SRD5A2: variants seen among roughly 807,000 people sequenced by gnomAD.
SRD5A2 encodes steroid 5 alpha-reductase 2.
In SRD5A2, 30 loss-of-function variants were observed where a neutral mutation model predicts 27.4. The observed-to-expected ratio is 1.10, with a 90% confidence interval of 0.82 to 1.49. The LOEUF (loss-of-function observed/expected upper bound fraction) is 1.49. Ranked by LOEUF, SRD5A2 falls within the 40% of genes most tolerant of loss-of-function variation. The pLI is 0.00. For missense variants in SRD5A2, 348 were observed against 323.4 expected (o/e 1.08, Z -0.58); for synonymous variants, 141 against 133.6 (o/e 1.06, Z -0.38).
Position 31,529,377 on chromosome 2 carries a change from A to T in SRD5A2, c.628T>A (p.Ser210Thr). 1 of 1,613,972 alleles carries T rather than the reference A, an allele frequency of 6.2e-7. No individual in the cohort carries two copies. Among genetic ancestry groups the T allele is most frequent in the Non-Finnish European group, 8.5e-7 (1 of 1,179,852 alleles). ...EWIGYALATW[S>T]LPALAFAFFS... ...AATGCAAATGCAAGTGCTGGGAGGG[A>T]CCAAGTGGCCAGGGCATAGCCGATC... Residue 210 changes from serine to threonine, a missense_variant, in exon 4 of 5, where the codon TCC (serine) becomes ACC (threonine). Transcript: ENST00000622030.
the SRD5A2 span, among the ~76,000 whole-genome samples, chr2:31,658,331 G>T: frequency 1.3e-5 from 2 of 151,868 alleles, no homozygotes; most frequent in South Asian, 4.2e-4. Flanking sequence ...AAAAACAAGA[G>T]CAAACCAACC....
chr2:31,604,919 G>C, the SRD5A2 span, among the ~76,000 whole-genome samples: 1 of 151,810 alleles, frequency 6.6e-6, no homozygotes, highest in Non-Finnish European at 1.5e-5. Flanking sequence ...CAGAGGTATA[G>C]TAACCAAAAC....
intron 1 of SRD5A2, among the ~76,000 whole-genome samples, chr2:31,535,893 G>A (rs1666016595): frequency 6.6e-6 from 1 of 152,210 alleles, no homozygotes; most frequent in African/African-American, 2.4e-5. Context: ...GGGCTCCGTG[G>A]TTAAAAAGGT....
chr2:31,554,127 C>T (rs527775280), intron 1 of SRD5A2, among the ~76,000 whole-genome samples: 5 of 152,196 alleles, frequency 3.3e-5, no homozygotes, highest in Admixed American at 6.5e-5. Context: ...CTAAAACCTA[C>T]GGCCAACAGT....
chr2:31,532,742 T>C (rs1665939155), intron 2 of SRD5A2, among the ~76,000 whole-genome samples: 1 of 150,530 alleles, frequency 6.6e-6, no homozygotes, highest in Admixed American at 6.6e-5. Context: ...TTTTCCACCT[T>C]GCCTAGTCAA....
At chr2:31,638,399 T>A in the SRD5A2 span, among the ~76,000 whole-genome samples, 1 of 152,150 alleles carries the variant, frequency 6.6e-6, no homozygotes. Flanking sequence ...GAATGTGTAT[T>A]CTACAGCAGT....
intron 1 of SRD5A2, among the ~76,000 whole-genome samples, chr2:31,561,031 C>T (rs535657602): frequency 6.6e-6 from 1 of 152,254 alleles, no homozygotes; most frequent in African/African-American, 2.4e-5. Flanking sequence ...TTCTATATAC[C>T]TATCCCAACC....
At chr2:31,594,103 T>C in the SRD5A2 span, among the ~76,000 whole-genome samples, 3 of 152,164 alleles carry the variant, frequency 2.0e-5, no homozygotes, top group Middle Eastern at 3.4e-3. Context: ...CCTTAAAGCA[T>C]AAATCTCACA....
At chr2:31,548,719 C>A (rs1166080888) in intron 1 of SRD5A2, among the ~76,000 whole-genome samples, 1 of 152,148 alleles carries the variant, frequency 6.6e-6, no homozygotes, top group East Asian at 1.9e-4. Flanking sequence ...CATGACATAG[C>A]AAATCCACTT....
the SRD5A2 span, among the ~76,000 whole-genome samples, chr2:31,634,734 T>A: frequency 6.6e-6 from 1 of 152,122 alleles, no homozygotes; most frequent in Non-Finnish European, 1.5e-5. Context: ...ACTCTCTATC[T>A]TCATGAGTTC....
chr2:31,607,877 T>C, the SRD5A2 span, among the ~76,000 whole-genome samples: 1 of 151,924 alleles, frequency 6.6e-6, no homozygotes, highest in African/African-American at 2.4e-5. Context: ...GGGAGGTAAT[T>C]ATTAGCTCAT....
the SRD5A2 span, among the ~76,000 whole-genome samples, chr2:31,592,890 G>A: frequency 6.6e-6 from 1 of 152,168 alleles, no homozygotes; most frequent in Non-Finnish European, 1.5e-5. Flanking sequence ...AGCTACTCAA[G>A]GAGGCACCAG....
At chr2:31,623,040 G>T in the SRD5A2 span, among the ~76,000 whole-genome samples, 17 of 151,970 alleles carry the variant, frequency 1.1e-4, no homozygotes, top group South Asian at 6.2e-4. Context: ...CACCTTCAAT[G>T]ATTGCTCTCA....
At chr2:31,609,187 G>C in the SRD5A2 span, among the ~76,000 whole-genome samples, 2 of 152,006 alleles carry the variant, frequency 1.3e-5, no homozygotes, top group Non-Finnish European at 2.9e-5. Context: ...ATGATATTTG[G>C]TTACAGCAGC....
chr2:31,638,244 TC>T, the SRD5A2 span, among the ~76,000 whole-genome samples: 1 of 152,090 alleles, frequency 6.6e-6, no homozygotes, highest in Admixed American at 6.6e-5. Flanking sequence ...TTTCAGAGGT[TC>T]CCCCTTGTTT....
rs568753467 is a variant in SRD5A2, at chr2:31,528,873, G to A, written c.698+434C>T. ...CACTTCCAGAAATGTGGTGGGAGGG[G>A]ATGAAACTGAAGGTGGAAATGGAAG... On this transcript the variant is annotated intron_variant, in intron 4 of 4. Coordinates refer to ENST00000622030, the MANE Select transcript of SRD5A2 (RefSeq NM_000348.4). Among the ~76,000 whole-genome samples, 10 of 152,332 alleles carry A rather than the reference G, an allele frequency of 6.6e-5. No individual in the cohort carries two copies. In the South Asian group the frequency reaches 1.2e-3, roughly 19 times the overall value.
At chr2:31,569,005 G>A (rs942706821) in intron 1 of SRD5A2, among the ~76,000 whole-genome samples, 1 of 152,230 alleles carries the variant, frequency 6.6e-6, no homozygotes, top group African/African-American at 2.4e-5. Flanking sequence ...GCCTTCAGGG[G>A]CAGGGGCGCT....
At chr2:31,656,616 ACACC>A in the SRD5A2 span, among the ~76,000 whole-genome samples, 1 of 152,160 alleles carries the variant, frequency 6.6e-6, no homozygotes, top group South Asian at 2.1e-4. Context: ...ATATGAGAAC[ACACC>A]ATTCATCCCT....
chr2:31,559,817 TAAGTAA>T lies in SRD5A2; in HGVS notation c.281+20797_281+20802del, dbSNP rs2148087607. On this transcript the variant is annotated intron_variant, in intron 1 of 4. Coordinates refer to ENST00000622030, the MANE Select transcript of SRD5A2 (RefSeq NM_000348.4). Reference sequence around the variant, plus strand: ...CTAGTAACCAATACATCAGTGCCCATAAGTAAAAGTAAACAAACCCACACACACACA... The same window carrying T: ...CTAGTAACCAATACATCAGTGCCCATAAGTAAACAAACCCACACACACACA... 2.1e-5 allele frequency among the ~76,000 whole-genome samples: 3 copies of T among 144,232 alleles called. No individual in the cohort carries two copies. In the South Asian group the frequency reaches 6.5e-4, roughly 31 times the overall value. 94.6% of individuals were successfully genotyped at this position (144,232 alleles called of 152,430 possible).
Sources: allele counts gnomAD v4.1 joint callset (sites outside exome capture counted in the v4.1 genomes callset), GRCh38; gene constraint gnomAD v4.1.1; transcripts MANE v1.5; gene names NCBI Gene and HGNC (gene_info 2026-07-23, HGNC 2026-07-21).